The following AOAH variants were observed in gnomAD, a reference collection of about 807,000 sequenced individuals.
The protein encoded by AOAH is acyloxyacyl hydrolase (neutrophil).
In AOAH, 64 loss-of-function variants were observed where a neutral mutation model predicts 92.2. The ratio of observed to expected loss-of-function variants is 0.69; its 90% CI spans 0.57 to 0.86. The LOEUF (loss-of-function observed/expected upper bound fraction) is 0.86, where lower values mean the gene tolerates loss of function less well. AOAH is among the 40% of genes least tolerant of loss of function. The pLI, the probability that AOAH is intolerant of heterozygous loss-of-function variation, is 0.00. For missense variants in AOAH, 656 were observed against 694.6 expected (o/e 0.94, Z 0.62); for synonymous variants, 263 against 254.5 (o/e 1.03, Z -0.32).
rs1040725920 is a variant in AOAH at position 36,571,451 on chromosome 7, C to A, written c.1021+5123G>T. 4.6e-5 allele frequency among the ~76,000 whole-genome samples: 7 copies of A among 152,332 alleles called. 1 individual carries two copies. The highest frequency in any genetic ancestry group is 4.6e-4 in the Admixed American group (7 of 15,302). ...CCTTCCAATCCTTAGCCCCACCATC[C>A]TCAGGGCTTCTTTGGCTGCCTGGCC... On this transcript the variant is annotated intron_variant, in intron 13 of 20. Coordinates refer to ENST00000617537, the MANE Select transcript of AOAH (RefSeq NM_001637.4).
chr7:36,534,801 C>T (rs988380363), intron 16 of AOAH, among the ~76,000 whole-genome samples: 4 of 152,084 alleles, frequency 2.6e-5, no homozygotes, highest in African/African-American at 7.2e-5. Context: ...AGGACTGTCC[C>T]ACAGTGGCCA....
chr7:36,622,155 T>C (rs891291028), intron 7 of AOAH, among the ~76,000 whole-genome samples: 4 of 152,146 alleles, frequency 2.6e-5, no homozygotes, highest in Non-Finnish European at 4.4e-5. Context: ...TGTATTCATA[T>C]TGTAGATGTG....
At chr7:36,645,642 T>C (rs139296814) in intron 4 of AOAH, among the ~76,000 whole-genome samples, 38 of 152,292 alleles carry the variant, frequency 2.5e-4, no homozygotes, top group African/African-American at 9.1e-4. Context: ...ACAGTGGCAA[T>C]TTTCCAATAC....
At chr7:36,636,980 C>T (rs931646359) in intron 5 of AOAH, among the ~76,000 whole-genome samples, 3 of 152,188 alleles carry the variant, frequency 2.0e-5, no homozygotes, top group African/African-American at 7.2e-5. Context: ...TTTGCCCTCC[C>T]ATTGCCCATT....
At chr7:36,632,203 T>G (rs948292779) in intron 5 of AOAH, 97 bp from the exon 6 acceptor site, 35 of 994,428 alleles carry the variant, frequency 3.5e-5, no homozygotes, top group Middle Eastern at 2.1e-4. Flanking sequence ...TTCTGGATCC[T>G]CCTTCCTCTA....
intron 11 of AOAH, among the ~76,000 whole-genome samples, chr7:36,600,665 C>A (rs1790503212): frequency 6.6e-6 from 1 of 151,714 alleles, no homozygotes; most frequent in Non-Finnish European, 1.5e-5. Flanking sequence ...CGGGTCAGCA[C>A]CATCCTCAGC....
intron 19 of AOAH, among the ~76,000 whole-genome samples, chr7:36,523,440 T>C (rs1289443753): frequency 1.3e-5 from 2 of 152,210 alleles, no homozygotes; most frequent in Non-Finnish European, 2.9e-5. Context: ...CCTGCTCTTC[T>C]AATAGGAAGC....
At chr7:36,652,121 CA>C (rs776985978) in intron 4 of AOAH, among the ~76,000 whole-genome samples, 1 of 151,856 alleles carries the variant, frequency 6.6e-6, no homozygotes, top group African/African-American at 2.4e-5. Context: ...GATTCAAGGA[CA>C]GGGGCAGAAG....
At chr7:36,553,042 A>G (rs1786395096) in intron 13 of AOAH, among the ~76,000 whole-genome samples, 1 of 151,026 alleles carries the variant, frequency 6.6e-6, no homozygotes, top group South Asian at 2.1e-4. Flanking sequence ...ATATGTATAC[A>G]TCTGCCATGC....
At chr7:36,513,588 C>T (rs1018849892) in intron 20 of AOAH, among the ~76,000 whole-genome samples, 4 of 152,286 alleles carry the variant, frequency 2.6e-5, no homozygotes, top group South Asian at 4.1e-4. Flanking sequence ...GGTGAGGAGA[C>T]GCTGCTTCAG....
intron 1 of AOAH, among the ~76,000 whole-genome samples, chr7:36,718,795 T>C (rs1799427598): frequency 6.6e-6 from 1 of 152,048 alleles, no homozygotes; most frequent in South Asian, 2.1e-4. Context: ...GAGAAGGAAA[T>C]GGGGAGTAAA....
At chr7:36,662,812 G>C (rs963173573) in intron 3 of AOAH, among the ~76,000 whole-genome samples, 1 of 152,198 alleles carries the variant, frequency 6.6e-6, no homozygotes, top group Non-Finnish European at 1.5e-5. Flanking sequence ...TCTCTGAGCT[G>C]GAGAGTAGAA....
chr7:36,627,658 A>ATGAT (rs1792772756), intron 6 of AOAH, among the ~76,000 whole-genome samples: 2 of 151,978 alleles, frequency 1.3e-5, no homozygotes, highest in Non-Finnish European at 2.9e-5. Context: ...TGCTCTCATC[A>ATGAT]TGATTTGGTT....
intron 2 of AOAH, among the ~76,000 whole-genome samples, chr7:36,686,219 T>C (rs1028275580): frequency 1.3e-5 from 2 of 152,254 alleles, no homozygotes; most frequent in African/African-American, 4.8e-5. Context: ...TTTAAATTAA[T>C]GAAATGTTCT....
chr7:36,660,388 T>G (rs540735752), intron 3 of AOAH, among the ~76,000 whole-genome samples: 1 of 152,348 alleles, frequency 6.6e-6, no homozygotes, highest in African/African-American at 2.4e-5. Context: ...TAATCTCTGC[T>G]AACTGCAACC....
intron 4 of AOAH, among the ~76,000 whole-genome samples, chr7:36,647,362 T>TAA (rs1435484788): frequency 6.6e-6 from 1 of 152,218 alleles, no homozygotes; most frequent in African/African-American, 2.4e-5. Flanking sequence ...GGGAGAGCAG[T>TAA]GATTAAAGCC....
intron 15 of AOAH, among the ~76,000 whole-genome samples, chr7:36,545,111 G>A (rs185896838): frequency 6.6e-6 from 1 of 152,002 alleles, no homozygotes; most frequent in East Asian, 1.9e-4. Flanking sequence ...GAGGGCAGTG[G>A]TATGATCACA....
intron 16 of AOAH, among the ~76,000 whole-genome samples, chr7:36,535,620 T>C (rs557843914): frequency 7.3e-4 from 111 of 152,306 alleles, no homozygotes; most frequent in African/African-American, 2.6e-3. Flanking sequence ...CCTGGCTTCC[T>C]CTCCATAGTC....
intron 11 of AOAH, among the ~76,000 whole-genome samples, chr7:36,612,321 GC>G (rs1791520629): frequency 6.6e-6 from 1 of 152,090 alleles, no homozygotes; most frequent in African/African-American, 2.4e-5. Flanking sequence ...TTTGTAACCT[GC>G]TTTTGTTGCT....
Sources: gnomAD v4.1 joint callset for allele counts (sites outside exome capture counted in the v4.1 genomes callset) on GRCh38, gnomAD v4.1.1 for gene constraint, MANE v1.5 for transcripts, NCBI Gene and HGNC (gene_info 2026-07-23, HGNC 2026-07-21) for gene names.